The following LILRA2 variants were observed in gnomAD, a reference collection of about 807,000 sequenced individuals.
The protein encoded by LILRA2 is leukocyte immunoglobulin like receptor A2, also known as leukocyte immunoglobulin-like receptor subfamily A member 2.
LILRA2 carries 45 observed loss-of-function variants against 47.9 expected under a neutral mutation model. That is an observed-to-expected ratio of 0.94 (90% CI 0.74 to 1.20). The LOEUF is 1.20. Among genes scored for constraint, LILRA2 ranks in the 50% most tolerant of loss-of-function variants. LILRA2 has a pLI of 0.00. For missense variants in LILRA2, 651 were observed against 598.2 expected, an observed-to-expected ratio of 1.09 and a Z score of -0.92; for synonymous variants, 279 against 249.2, an observed-to-expected ratio of 1.12 and a Z score of -1.13.
At chr19:54,573,122 T>C, upstream of LILRA2, 1 of 242,022 alleles carries the variant, frequency 4.1e-6, no homozygotes, top group Non-Finnish European at 8.4e-6. Context: ...TAGCTGGGAC[T>C]AGAGATGTGA....
chr19:54,573,551 C>T (rs73612405), upstream of LILRA2: 963 of 779,226 alleles, frequency 1.2e-3, 4 homozygotes, highest in Admixed American at 4.1e-3. Flanking sequence ...GAAGGGCAGA[C>T]GCAGGAGGGC....
At chr19:54,578,675 G>A (rs575632869) in intron 6 of LILRA2, among the ~76,000 whole-genome samples, 2 of 152,260 alleles carry the variant, frequency 1.3e-5, no homozygotes, top group Admixed American at 6.5e-5. Flanking sequence ...AGTTCTAGTT[G>A]TAGATTCTTG....
Position 54,587,227 on chromosome 19 carries a change from T to G in LILRA2, c.1333T>G (p.Tyr445Asp), listed in dbSNP as rs375101733. ...ATCCCTAGGCCAACACCCCCAGGAT[T>G]ACACAGTGGAGAATCTCATCCGCAT... ...TTSLGQHPQD[Y>D]TVENLIRMGV... Residue 445 changes from tyrosine (Y) to aspartate (D), a missense_variant, in exon 8 of 8, where the codon TAC (tyrosine) becomes GAC (aspartate). Coordinates refer to ENST00000391738, the MANE Select transcript of LILRA2 (RefSeq NM_001130917.3). The G allele has an allele frequency of 3.0e-5, 49 of 1,613,982 alleles. No individual in the cohort carries two copies. The highest frequency in any genetic ancestry group is 5.5e-5 in the South Asian group (5 of 91,080).
chr19:54,587,533 A>C lies in LILRA2; in HGVS notation c.*187A>C, dbSNP rs1343945820. On this transcript the variant is annotated 3_prime_UTR_variant, in exon 8 of 8. Transcript: ENST00000391738. ...TGGGGTGATTCCTAGAAGATCATTA[A>C]ACTGTGGTACATTTTTTTGTCTATG... The C allele has an allele frequency of 3.9e-6, 4 of 1,015,422 alleles. No homozygotes were observed. The African/African-American group carries it at 4.9e-5, about 12-fold the overall frequency. The allele number at this position is 1,015,422 out of a possible 1,614,324, so 62.9% of individuals were successfully genotyped here.
intron 6 of LILRA2, 81 bp from the exon 7 acceptor site, chr19:54,586,929 A>G (rs1047965377): frequency 1.3e-5 from 14 of 1,042,674 alleles, no homozygotes; most frequent in Middle Eastern, 2.8e-4. Flanking sequence ...ACTCATGTCA[A>G]GAGACACAGG....
chr19:54,587,358 G>A lies in LILRA2; in HGVS notation c.*12G>A, dbSNP rs2062845818. 1.2e-6 allele frequency: 2 copies of A among 1,614,136 alleles called. No individual in the cohort carries two copies. The highest frequency in any genetic ancestry group is 8.5e-7 in the Non-Finnish European group (1 of 1,180,012). On this transcript the variant is annotated 3_prime_UTR_variant, in exon 8 of 8. Coordinates refer to ENST00000391738, the MANE Select transcript of LILRA2 (RefSeq NM_001130917.3). ...CAGCCGGGAGGTGAACAGCAGAGAG[G>A]ACAATGCATCCTTCAGCGTGGTGGA...
intron 5 of LILRA2, 48 bp from the exon 6 acceptor site, chr19:54,575,759 G>T (rs765783174): frequency 6.2e-7 from 1 of 1,609,116 alleles, no homozygotes. Flanking sequence ...GGAGGTCTCA[G>T]CTCAGAACAA....
At position 54,575,825 on chromosome 19, in the gene LILRA2, CCT is replaced by C. The variant is rs1455574191; in HGVS notation, c.979_980del (p.Ser327GlyfsTer52). The C allele has an allele frequency of 1.2e-6, 2 of 1,613,464 alleles. No homozygotes were observed. Among genetic ancestry groups the C allele is most frequent in the Non-Finnish European group, 1.7e-6 (2 of 1,179,692 alleles). On this transcript the variant is annotated frameshift_variant, in exon 6 of 8. Transcript: ENST00000391738. LOFTEE classifies it high-confidence loss of function. ...TCTCTAGGACAGTTCTATGACAGACCCTCTCTCTCGGTGCAGCCGGTCCCCAC... is the reference window on the plus strand; with the variant it reads ...TCTCTAGGACAGTTCTATGACAGACCCTCTCTCGGTGCAGCCGGTCCCCAC...
At position 54,575,549 on chromosome 19, in the gene LILRA2, A is replaced by C; in HGVS notation, c.949A>C (p.Thr317Pro). The C allele has an allele frequency of 6.2e-7, 1 of 1,611,138 alleles. No individual in the cohort carries two copies. The highest frequency in any genetic ancestry group is 8.5e-7 in the Non-Finnish European group (1 of 1,179,428). The change falls in exon 5 of 8, where the codon ACA becomes CCA. Residue 317 changes from threonine to proline, a missense_variant. Thr to Pro is a conservative substitution (Grantham distance 38). Transcript: ENST00000391738. ...CAGTGACCCCCTGGACATCCTGATC[A>C]CAGGTGAGGAGCCCAGCGGGTTCAG... ...APSDPLDILI[T>P]GQFYDRPSLS...
Position 54,573,864 on chromosome 19 carries a change from G to A in LILRA2, c.-15G>A. 6 of 1,614,142 alleles carry A rather than the reference G, an allele frequency of 3.7e-6. No homozygotes were observed. Among genetic ancestry groups the A allele is most frequent in the South Asian group, 2.2e-5 (2 of 91,082 alleles). On this transcript the variant is annotated 5_prime_UTR_variant, in exon 1 of 8. The change creates a new upstream start codon in the 5' untranslated region. Transcript: ENST00000391738. Reference sequence around the variant, plus strand: ...GCTCATCCATCCGCAGAGCAGGGCAGTGGGAGGAGACGCCATGACCCCCAT... The same window carrying A: ...GCTCATCCATCCGCAGAGCAGGGCAATGGGAGGAGACGCCATGACCCCCAT...
chr19:54,581,667 G>A (rs147180609), intron 6 of LILRA2, among the ~76,000 whole-genome samples: 5,651 of 151,572 alleles, frequency 0.037, 438 homozygotes, highest in East Asian at 0.29. Flanking sequence ...AATAAAAGAG[G>A]ACACAAACAA....
chr19:54,586,740 T>G (rs2062821483), intron 6 of LILRA2, among the ~76,000 whole-genome samples: 1 of 152,116 alleles, frequency 6.6e-6, no homozygotes. Context: ...TGGTTATTTC[T>G]GTATTGGGGA....
rs1242369722 is a variant in LILRA2 at position 54,587,785 on chromosome 19, G to T, written c.*439G>T. The T allele has an allele frequency of 1.2e-5, 2 of 171,560 alleles. No homozygotes were observed. Among genetic ancestry groups the T allele is most frequent in the South Asian group, 1.5e-4 (1 of 6,816 alleles). 10.6% of individuals were successfully genotyped at this position (171,560 alleles called of 1,614,324 possible). ...AACCTGAACCACCAACTAAATCAACGACAGGAGATCAGATTCCAACCAGGA... is the reference window on the plus strand; with the variant it reads ...AACCTGAACCACCAACTAAATCAACTACAGGAGATCAGATTCCAACCAGGA... On this transcript the variant is annotated 3_prime_UTR_variant, in exon 8 of 8. Coordinates refer to ENST00000391738, the MANE Select transcript of LILRA2 (RefSeq NM_001130917.3).
chr19:54,575,510 G>A lies in LILRA2; in HGVS notation c.910G>A (p.Glu304Lys), dbSNP rs372106807. The change falls in exon 5 of 8, where the codon GAG (glutamate) becomes AAG (lysine). Residue 304 changes from glutamate to lysine, a missense_variant. By Grantham distance (56) the Glu-to-Lys change is moderately conservative. Transcript: ENST00000391738. ...RCYSAHNLSS[E>K]WSAPSDPLDI... Reference sequence around the variant, plus strand: ...CTACAGTGCACACAACCTCTCCTCCGAGTGGTCGGCCCCCAGTGACCCCCT... The same window carrying A: ...CTACAGTGCACACAACCTCTCCTCCAAGTGGTCGGCCCCCAGTGACCCCCT... 30 of 1,612,456 alleles carry A rather than the reference G, an allele frequency of 1.9e-5. No homozygotes were observed. The highest frequency in any genetic ancestry group is 5.5e-5 in the South Asian group (5 of 91,012).
At chr19:54,579,337 T>A (rs1203736463) in intron 6 of LILRA2, among the ~76,000 whole-genome samples, 1 of 152,184 alleles carries the variant, frequency 6.6e-6, no homozygotes, top group African/African-American at 2.4e-5. Context: ...GGCTAGCCAG[T>A]TTTTCTAGCA....
At chr19:54,587,119 G>C in intron 7 of LILRA2, 59 bp downstream of exon 7, 1 of 1,610,636 alleles carries the variant, frequency 6.2e-7, no homozygotes, top group South Asian at 1.1e-5. Context: ...TCCTGTAAAG[G>C]GGAGGTGGGT....
chr19:54,585,763 C>A (rs767746228), intron 6 of LILRA2, among the ~76,000 whole-genome samples: 33 of 152,228 alleles, frequency 2.2e-4, no homozygotes, highest in Admixed American at 1.3e-4. Context: ...TGAGGCGACA[C>A]CCCATCCTGC....
At chr19:54,578,348 A>G (rs1363243870) in intron 6 of LILRA2, among the ~76,000 whole-genome samples, 2 of 150,354 alleles carry the variant, frequency 1.3e-5, no homozygotes, top group South Asian at 2.1e-4. Flanking sequence ...CTCATTGTTC[A>G]ACTCCCATTA....
At position 54,575,906 on chromosome 19, in the gene LILRA2, A is replaced by C; in HGVS notation, c.1052A>C (p.His351Pro). Residue 351 changes from histidine (H) to proline (P), a missense_variant, in exon 6 of 8, where the codon CAC (histidine) becomes CCC (proline). By Grantham distance (77) the His-to-Pro change is moderately conservative. Coordinates refer to ENST00000391738, the MANE Select transcript of LILRA2 (RefSeq NM_001130917.3). Reference sequence around the variant, plus strand: ...CTGTGTCAGTCACGGGGGCAGTTCCACACTTTCCTTCTGACCAAGGAGGGG... The same window carrying C: ...CTGTGTCAGTCACGGGGGCAGTTCCCCACTTTCCTTCTGACCAAGGAGGGG... ...TLLCQSRGQF[H>P]TFLLTKEGAG... is the part of the protein sequence containing the mutation. 1 of 1,613,828 alleles carries C rather than the reference A, an allele frequency of 6.2e-7. No individual in the cohort carries two copies. The highest frequency in any genetic ancestry group is 1.1e-5 in the South Asian group (1 of 91,064).
Sources: gnomAD v4.1 joint callset for allele counts (sites outside exome capture counted in the v4.1 genomes callset) on GRCh38, gnomAD v4.1.1 for gene constraint, MANE v1.5 for transcripts, NCBI Gene and HGNC (gene_info 2026-07-23, HGNC 2026-07-21) for gene names.